The following SDK1 variants were observed in gnomAD, a reference collection of about 807,000 sequenced individuals.
SDK1 encodes sidekick cell adhesion molecule 1.
Under a neutral mutation model 245.5 loss-of-function variants are expected in SDK1, and 157 were observed. The ratio of observed to expected loss-of-function variants is 0.64; its 90% CI spans 0.56 to 0.73. SDK1 has a LOEUF of 0.73. SDK1 is among the 30% of genes least tolerant of loss of function. The pLI is 0.00. For synonymous variants in SDK1, 1,647 were observed against 1,278.5 expected, an observed-to-expected ratio of 1.29 and a Z score of -6.15; for missense variants, 3,583 against 3,002.3, an observed-to-expected ratio of 1.19 and a Z score of -4.52.
intron 5 of SDK1, among the ~76,000 whole-genome samples, chr7:3,872,415 T>G (rs547669329): frequency 2.0e-5 from 3 of 152,224 alleles, no homozygotes; most frequent in African/African-American, 7.2e-5. Flanking sequence ...AGTTTTATTT[T>G]ATTTTGTTTT....
At chr7:4,017,841 A>G (rs1665160870) in intron 17 of SDK1, among the ~76,000 whole-genome samples, 1 of 152,236 alleles carries the variant, frequency 6.6e-6, no homozygotes, top group African/African-American at 2.4e-5. Flanking sequence ...CAAACAATCT[A>G]CTAGGTCAAT....
At position 3,700,485 on chromosome 7, in the gene SDK1, A is replaced by G. The variant is rs533696319; in HGVS notation, c.713+58380A>G. Among the ~76,000 whole-genome samples the G allele has an allele frequency of 4.6e-5, 7 of 152,338 alleles. No individual in the cohort carries two copies. In the South Asian group the frequency reaches 1.2e-3, roughly 27 times the overall value. ...TATACTTAAACTGGTAAACGTTGAT[A>G]CTAACACACCATAAGCCTTGTGGAT... On this transcript the variant is annotated intron_variant, in intron 4 of 44. Transcript: ENST00000404826.
chr7:3,601,062 C>G (rs1052024285), intron 1 of SDK1, among the ~76,000 whole-genome samples: 7 of 151,924 alleles, frequency 4.6e-5, no homozygotes, highest in Non-Finnish European at 8.8e-5. Flanking sequence ...CCTTACATAC[C>G]TAGAAGATAC....
At chr7:3,446,223 A>G (rs1000805343) in intron 1 of SDK1, among the ~76,000 whole-genome samples, 1 of 152,118 alleles carries the variant, frequency 6.6e-6, no homozygotes, top group African/African-American at 2.4e-5. Flanking sequence ...TGTGCTTGGC[A>G]TGGTGTATGC....
chr7:3,741,289 C>A (rs1383529337), intron 4 of SDK1, among the ~76,000 whole-genome samples: 7 of 152,176 alleles, frequency 4.6e-5, no homozygotes, highest in Non-Finnish European at 8.8e-5. Flanking sequence ...AAGGCCCTGT[C>A]AGCCCACCTC....
intron 2 of SDK1, among the ~76,000 whole-genome samples, chr7:3,620,300 A>AT (rs3086082): frequency 2.4e-4 from 36 of 149,222 alleles, no homozygotes; most frequent in East Asian, 8.1e-4. Flanking sequence ...TGCTTACAGC[A>AT]TTTTTTTTTT....
At chr7:4,204,853 A>G (rs1474516341) in intron 35 of SDK1, among the ~76,000 whole-genome samples, 1 of 151,468 alleles carries the variant, frequency 6.6e-6, no homozygotes, top group Non-Finnish European at 1.5e-5. Context: ...CGTCAAGAGA[A>G]AGTGCGCAGC....
chr7:3,891,531 T>G (rs1781457884), intron 5 of SDK1, among the ~76,000 whole-genome samples: 1 of 152,172 alleles, frequency 6.6e-6, no homozygotes, highest in Non-Finnish European at 1.5e-5. Flanking sequence ...GAAGCTGTCC[T>G]GTTTGTTTTT....
chr7:3,879,915 C>T (rs1425423736), intron 5 of SDK1, among the ~76,000 whole-genome samples: 1 of 151,924 alleles, frequency 6.6e-6, no homozygotes, highest in Non-Finnish European at 1.5e-5. Context: ...GCGGCGTATG[C>T]TACATGACCA....
chr7:3,726,391 CTG>C (rs1779008699), intron 4 of SDK1, among the ~76,000 whole-genome samples: 1 of 152,208 alleles, frequency 6.6e-6, no homozygotes, highest in African/African-American at 2.4e-5. Context: ...AGTCACTCGA[CTG>C]TAAGTATTTC....
chr7:4,011,796 G>A (rs1562665767), intron 15 of SDK1, among the ~76,000 whole-genome samples: 2 of 152,170 alleles, frequency 1.3e-5, no homozygotes, highest in Non-Finnish European at 2.9e-5. Context: ...GCAGGCCGAC[G>A]AGCGGACGCA....
chr7:4,049,897 C>T (rs1484902035), intron 18 of SDK1, among the ~76,000 whole-genome samples: 1 of 152,310 alleles, frequency 6.6e-6, no homozygotes, highest in East Asian at 1.9e-4. Flanking sequence ...AGGGAGAGTT[C>T]TGTTTAAAGA....
At chr7:3,487,426 A>G (rs548807584) in intron 1 of SDK1, among the ~76,000 whole-genome samples, 30 of 152,134 alleles carry the variant, frequency 2.0e-4, no homozygotes, top group African/African-American at 7.2e-4. Context: ...GGTTTGGGTC[A>G]GGAGGAGGAA....
chr7:4,241,493 CA>C (rs993975273), intron 42 of SDK1, among the ~76,000 whole-genome samples: 2 of 151,906 alleles, frequency 1.3e-5, no homozygotes, highest in Non-Finnish European at 2.9e-5. Context: ...AACAAAAAAT[CA>C]AAAAAAGTTT....
chr7:3,504,212 G>GTGTGTA (rs1315924862), intron 1 of SDK1, among the ~76,000 whole-genome samples: 1 of 150,868 alleles, frequency 6.6e-6, no homozygotes, highest in Non-Finnish European at 1.5e-5. Context: ...GTGTGTGTGT[G>GTGTGTA]TAGATAAAAC....
intron 13 of SDK1, among the ~76,000 whole-genome samples, chr7:3,985,390 G>A (rs1010514404): frequency 6.6e-6 from 1 of 152,260 alleles, no homozygotes; most frequent in Admixed American, 6.5e-5. Context: ...CACCGATTCA[G>A]ATTGCAGCAG....
chr7:3,611,334 C>T (rs1226387871), intron 1 of SDK1, among the ~76,000 whole-genome samples: 3 of 152,112 alleles, frequency 2.0e-5, no homozygotes, highest in South Asian at 2.1e-4. Flanking sequence ...ATGTACCATT[C>T]GTTTATGTCC....
chr7:3,586,821 C>T (rs1189198609), intron 1 of SDK1, among the ~76,000 whole-genome samples: 3 of 151,878 alleles, frequency 2.0e-5, no homozygotes, highest in African/African-American at 7.3e-5. Flanking sequence ...GTTTTGGGGG[C>T]AAGGGGAAAG....
At position 3,571,499 on chromosome 7, in the gene SDK1, C is replaced by T. The variant is rs886727113; in HGVS notation, c.299-47581C>T. 1.3e-5 allele frequency among the ~76,000 whole-genome samples: 2 copies of T among 151,898 alleles called. 1 individual carries two copies. Among genetic ancestry groups the T allele is most frequent in the Non-Finnish European group, 2.9e-5 (2 of 67,944 alleles). On this transcript the variant is annotated intron_variant, in intron 1 of 44. Transcript: ENST00000404826. ...AAAATTTTTTTTGTACAGACAGGGTCTTGCTGTGTTGCCCAAGCTGGTCTT... is the reference window on the plus strand; with the variant it reads ...AAAATTTTTTTTGTACAGACAGGGTTTTGCTGTGTTGCCCAAGCTGGTCTT...
Sources: allele counts gnomAD v4.1 joint callset (sites outside exome capture counted in the v4.1 genomes callset), GRCh38; gene constraint gnomAD v4.1.1; transcripts MANE v1.5; gene names NCBI Gene and HGNC (gene_info 2026-07-23, HGNC 2026-07-21).